Variants in SDK1 observed in about 807,000 individuals in gnomAD.
SDK1 encodes the protein protein sidekick-1.
In SDK1, 157 loss-of-function variants were observed where a neutral mutation model predicts 245.5. The observed-to-expected ratio is 0.64, with a 90% CI of 0.56 to 0.73. The LOEUF (loss-of-function observed/expected upper bound fraction) is 0.73. Among genes scored for constraint, SDK1 ranks in the 30% least tolerant of loss-of-function variants. The probability of loss-of-function intolerance (pLI) is 0.00; values close to 1 mark genes in which losing one functional copy is unlikely to be tolerated. For synonymous variants in SDK1, 1,647 were observed against 1,278.5 expected, an observed-to-expected ratio of 1.29 and a Z score of -6.15; for missense variants, 3,583 against 3,002.3, an observed-to-expected ratio of 1.19 and a Z score of -4.52.
At chr7:4,239,574 G>C (rs1472301706) in intron 42 of SDK1, among the ~76,000 whole-genome samples, 1 of 152,164 alleles carries the variant, frequency 6.6e-6, no homozygotes, top group East Asian at 1.9e-4. Context: ...ATGTTGGCCA[G>C]GCTGGTCTCG....
At chr7:3,901,260 C>T (rs1401723276) in intron 5 of SDK1, among the ~76,000 whole-genome samples, 1 of 151,928 alleles carries the variant, frequency 6.6e-6, no homozygotes, top group African/African-American at 2.4e-5. Context: ...GATCTCAGCT[C>T]ACTGCAACCT....
rs187924108 is a variant in SDK1 at position 3,672,900 on chromosome 7, G to T, written c.713+30795G>T. ...CCTTGAGGGTTTGGAGTGATCTTTG[G>T]GTAAAAGCTCTATTCTAACTCTTGA... On this transcript the variant is annotated intron_variant, in intron 4 of 44. Coordinates refer to ENST00000404826, the MANE Select transcript of SDK1 (RefSeq NM_152744.4). 4.1e-5 allele frequency among the ~76,000 whole-genome samples: 6 copies of T among 147,124 alleles called. No homozygotes were observed. The East Asian group carries it at 1.2e-3, about 30-fold the overall frequency.
intron 28 of SDK1, among the ~76,000 whole-genome samples, chr7:4,133,269 C>T (rs528683486): frequency 6.6e-6 from 1 of 152,350 alleles, no homozygotes; most frequent in South Asian, 2.1e-4. Flanking sequence ...TTTTTCCGTT[C>T]CCCAAAGCAA....
At chr7:3,963,000 G>T (rs1781821293) in intron 9 of SDK1, 149 bp downstream of exon 9, 3 of 540,154 alleles carry the variant, frequency 5.6e-6, no homozygotes, top group Admixed American at 4.2e-5. Context: ...CAGCTCCATG[G>T]CTACCTGGAT....
chr7:3,406,238 C>G (rs1185575053), intron 1 of SDK1, among the ~76,000 whole-genome samples: 1 of 152,166 alleles, frequency 6.6e-6, no homozygotes, highest in Non-Finnish European at 1.5e-5. Context: ...CTGATCCGCC[C>G]TTGGCATAGA....
intron 11 of SDK1, 83 bp from the exon 12 acceptor site, chr7:3,971,383 G>T (rs548705826): frequency 1.1e-6 from 1 of 886,302 alleles, no homozygotes; most frequent in East Asian, 2.6e-5. Flanking sequence ...TGTGATGTCA[G>T]ATGACCAGGG....
At chr7:4,019,994 A>G (rs1786753183) in intron 17 of SDK1, among the ~76,000 whole-genome samples, 1 of 151,886 alleles carries the variant, frequency 6.6e-6, no homozygotes, top group Non-Finnish European at 1.5e-5. Flanking sequence ...CCTCTGGGGA[A>G]TCTCCCTGGA....
chr7:3,696,042 C>T (rs891081344), intron 4 of SDK1, among the ~76,000 whole-genome samples: 10 of 152,174 alleles, frequency 6.6e-5, no homozygotes, highest in Admixed American at 2.0e-4. Context: ...AGCCTCTTCT[C>T]CGCGTTCCGG....
At chr7:3,571,123 A>C (rs1372176336) in intron 1 of SDK1, among the ~76,000 whole-genome samples, 1 of 151,974 alleles carries the variant, frequency 6.6e-6, no homozygotes, top group Non-Finnish European at 1.5e-5. Flanking sequence ...AGTCTGCGTT[A>C]CTTAATTTAA....
chr7:3,507,424 A>AATGTGCTTTTTTGGG (rs1782428247), intron 1 of SDK1, among the ~76,000 whole-genome samples: 1 of 152,210 alleles, frequency 6.6e-6, no homozygotes, highest in Non-Finnish European at 1.5e-5. Context: ...TGGGGTAGCC[A>AATGTGCTTTTTTGGG]GTACCTACAG....
rs976514684 is a variant in SDK1, at chr7:3,924,752, A to G, written c.848-26171A>G. The stretch of plus-strand genomic sequence containing the variant: ...TTTACCAAGTGGCATGAAAGATACT[A>G]ATGAATTTCTTTACCCGTCGCCCTC... On this transcript the variant is annotated intron_variant, in intron 5 of 44. Coordinates refer to ENST00000404826, the MANE Select transcript of SDK1 (RefSeq NM_152744.4). Among the ~76,000 whole-genome samples the G allele has an allele frequency of 2.0e-5, 3 of 152,192 alleles. No homozygotes were observed. In the East Asian group the frequency reaches 5.8e-4, roughly 29 times the overall value.
chr7:4,171,847 C>T (rs143991585), intron 32 of SDK1, among the ~76,000 whole-genome samples: 1,811 of 152,342 alleles, frequency 0.012, 23 homozygotes, highest in Admixed American at 0.022. Context: ...AGGATGGATA[C>T]GTGACCCTTG....
chr7:3,644,999 A>T (rs890907117), intron 4 of SDK1, among the ~76,000 whole-genome samples: 4 of 152,098 alleles, frequency 2.6e-5, no homozygotes, highest in African/African-American at 7.2e-5. Flanking sequence ...CGTCAGTGGC[A>T]GCAAAATTCA....
At chr7:4,199,806 G>A (rs368014046) in intron 35 of SDK1, among the ~76,000 whole-genome samples, 22 of 152,150 alleles carry the variant, frequency 1.4e-4, no homozygotes, top group African/African-American at 5.1e-4. Flanking sequence ...AGAGCACACA[G>A]CAACTCCTCC....
intron 1 of SDK1, among the ~76,000 whole-genome samples, chr7:3,359,079 G>T (rs1780884615): frequency 6.6e-6 from 1 of 152,148 alleles, no homozygotes; most frequent in South Asian, 2.1e-4. Flanking sequence ...GCATCACCTT[G>T]GAGACACAGC....
At chr7:4,213,406 C>A (rs1321212193) in intron 38 of SDK1, among the ~76,000 whole-genome samples, 1 of 145,242 alleles carries the variant, frequency 6.9e-6, no homozygotes, top group South Asian at 2.2e-4. Context: ...AGCAAGACTC[C>A]GTCTCAAAAA....
At chr7:3,573,356 C>T (rs574797963) in intron 1 of SDK1, among the ~76,000 whole-genome samples, 1 of 152,116 alleles carries the variant, frequency 6.6e-6, no homozygotes, top group Non-Finnish European at 1.5e-5. Context: ...CCAGAGAGAG[C>T]CTCAGGGGGC....
At chr7:4,187,222 G>A (rs1782948450) in intron 35 of SDK1, among the ~76,000 whole-genome samples, 1 of 152,254 alleles carries the variant, frequency 6.6e-6, no homozygotes, top group South Asian at 2.1e-4. Flanking sequence ...TCCCATGTGG[G>A]GGTAAACCTC....
At chr7:3,503,101 A>G (rs995935901) in intron 1 of SDK1, among the ~76,000 whole-genome samples, 4 of 152,198 alleles carry the variant, frequency 2.6e-5, no homozygotes, top group Admixed American at 6.5e-5. Context: ...GTATGGAGAC[A>G]TTGGTGTGCT....
Sources: gnomAD v4.1 joint callset for allele counts (sites outside exome capture counted in the v4.1 genomes callset) on GRCh38, gnomAD v4.1.1 for gene constraint, MANE v1.5 for transcripts, NCBI Gene and HGNC (gene_info 2026-07-23, HGNC 2026-07-21) for gene names.